Variants in IGSF10 observed in about 807,000 individuals in gnomAD.
IGSF10 encodes the protein immunoglobulin superfamily member 10.
A neutral mutation model predicts 128.2 loss-of-function variants in IGSF10; 126 were observed. The observed-to-expected ratio is 0.98, with a 90% CI of 0.85 to 1.14. IGSF10 has a LOEUF of 1.14. Among genes scored for constraint, IGSF10 ranks in the 50% most tolerant of loss-of-function variants. The pLI is 0.00. For synonymous variants in IGSF10, 1,185 were observed against 1,146.2 expected, an observed-to-expected ratio of 1.03 and a Z score of -0.68; for missense variants, 3,295 against 3,149.8, an observed-to-expected ratio of 1.05 and a Z score of -1.10.
At chr3:151,577,554 T>G in the IGSF10 span, among the ~76,000 whole-genome samples, 1 of 152,314 alleles carries the variant, frequency 6.6e-6, no homozygotes, top group South Asian at 2.1e-4. Flanking sequence ...TTCTAATGAT[T>G]AAAGTTTTAA....
In IGSF10 at chr3:151,443,794, C is replaced by T. The variant is rs1270442499; in HGVS notation, c.5153G>A (p.Arg1718His). 4 of 1,614,068 alleles carry T rather than the reference C, an allele frequency of 2.5e-6. No individual in the cohort carries two copies. Among genetic ancestry groups the T allele is most frequent in the Non-Finnish European group, 3.4e-6 (4 of 1,179,998 alleles). The change falls in exon 7 of 8, where the codon CGC (arginine) becomes CAC (histidine). Residue 1718 changes from arginine (R) to histidine (H), a missense_variant. Coordinates refer to ENST00000282466, the MANE Select transcript of IGSF10 (RefSeq NM_178822.5). ...GGATGCGGAACACAAGTACTGTCCG[C>T]GGTCCTGAATTTCCACCCTCTGGAT... ...LSIQRVEIQDRGQYLCSASNL... is the reference protein window; with the variant it reads ...LSIQRVEIQDHGQYLCSASNL...
the IGSF10 span, among the ~76,000 whole-genome samples, chr3:151,532,699 C>G: frequency 4.6e-5 from 7 of 152,278 alleles, no homozygotes; most frequent in Admixed American, 6.5e-5. Context: ...CTATTTATGA[C>G]AAACCAACAG....
chr3:151,438,799 GATAT>G lies in IGSF10; in HGVS notation c.5964-206_5964-203del, dbSNP rs556812838. Among the ~76,000 whole-genome samples the G allele has an allele frequency of 5.5e-5, 8 of 144,998 alleles. No individual in the cohort carries two copies. In the South Asian group the frequency reaches 1.3e-3, roughly 24 times the overall value. ...TGTGTATATATATACACATATTTGA[GATAT>G]ATATATATATACATTTTGAGATATA... On this transcript the variant is annotated intron_variant, in intron 7 of 7. Transcript: ENST00000282466.
chr3:151,506,628 G>A, the IGSF10 span, among the ~76,000 whole-genome samples: 1 of 152,076 alleles, frequency 6.6e-6, no homozygotes, highest in Admixed American at 6.5e-5. Context: ...TTTTCCCTTA[G>A]TTTGATCAAA....
At chr3:151,566,816 A>G in the IGSF10 span, among the ~76,000 whole-genome samples, 4 of 152,320 alleles carry the variant, frequency 2.6e-5, no homozygotes, top group Admixed American at 1.3e-4. Flanking sequence ...AATTTCTTCA[A>G]TGTCAAGAAG....
chr3:151,512,811 T>C, the IGSF10 span, among the ~76,000 whole-genome samples: 2 of 152,096 alleles, frequency 1.3e-5, no homozygotes, highest in Non-Finnish European at 2.9e-5. Flanking sequence ...AAATACAAAC[T>C]ACCATCAGAG....
rs1359132072 is a variant in IGSF10 at position 151,438,463 on chromosome 3, A to C, written c.6098T>G (p.Leu2033Arg). ...GTCAATTTTGGCAGGTTTCAGTCTT[A>C]GGCTAACATGCATCAGTATCAGATC... is the stretch of plus-strand genomic sequence containing the variant. ...GDDLILMHVS[L>R]RLKPAKIDHK... The change falls in exon 8 of 8, where the codon CTA (leucine) becomes CGA (arginine). Residue 2033 changes from leucine to arginine, a missense_variant. Leu to Arg is a moderately radical substitution (Grantham distance 102, BLOSUM62 -2). Coordinates refer to ENST00000282466, the MANE Select transcript of IGSF10 (RefSeq NM_178822.5). 7 of 1,614,140 alleles carry C rather than the reference A, an allele frequency of 4.3e-6. No homozygotes were observed. Among genetic ancestry groups the C allele is most frequent in the Non-Finnish European group, 5.9e-6 (7 of 1,180,026 alleles).
At chr3:151,577,422 C>A in the IGSF10 span, among the ~76,000 whole-genome samples, 1 of 152,112 alleles carries the variant, frequency 6.6e-6, no homozygotes, top group African/African-American at 2.4e-5. Flanking sequence ...AAGACTAAAT[C>A]TTCTCCATTT....
At chr3:151,495,286 C>A in the IGSF10 span, among the ~76,000 whole-genome samples, 3 of 152,118 alleles carry the variant, frequency 2.0e-5, no homozygotes, top group African/African-American at 7.2e-5. Flanking sequence ...CATCAAGGTA[C>A]TGAATTCTAA....
upstream of IGSF10, among the ~76,000 whole-genome samples, chr3:151,464,370 C>T (rs1412559192): frequency 6.6e-6 from 1 of 152,122 alleles, no homozygotes; most frequent in African/African-American, 2.4e-5. Context: ...CCTTTTATAT[C>T]ACCCCTGAGA....
chr3:151,438,435 G>T lies in IGSF10; in HGVS notation c.6126C>A (p.His2042Gln). 1 of 1,614,094 alleles carries T rather than the reference G, an allele frequency of 6.2e-7. No individual in the cohort carries two copies. Among genetic ancestry groups the T allele is most frequent in the Middle Eastern group, 1.6e-4 (1 of 6,062 alleles). Reference protein sequence around the residue: ...SLRLKPAKIDHKQYFRKQVLH... With the variant: ...SLRLKPAKIDQKQYFRKQVLH... ...GCACTTGCTTTCTAAAATACTGCTT[G>T]TGGTCAATTTTGGCAGGTTTCAGTC... is the stretch of plus-strand genomic sequence containing the variant. Residue 2042 changes from histidine (H) to glutamine (Q), a missense_variant, in exon 8 of 8, where the codon CAC (histidine) becomes CAA (glutamine). His to Gln is a conservative substitution (Grantham distance 24). Transcript: ENST00000282466.
chr3:151,448,706 A>C lies in IGSF10; in HGVS notation c.1275T>G (p.Asp425Glu). Residue 425 changes from aspartate to glutamate, a missense_variant, in exon 6 of 8, where the codon GAT becomes GAG. Asp to Glu is a conservative substitution (Grantham distance 45). Coordinates refer to ENST00000282466, the MANE Select transcript of IGSF10 (RefSeq NM_178822.5). ...FTNIEADLRA[D>E]PSWLMQDQIS... ...TTTGGTCTTGCATTAACCAAGAGGG[A>C]TCTGCTCTGAGATCTGCCTCTATGT... 6.2e-7 allele frequency: 1 copy of C among 1,614,112 alleles called. No homozygotes were observed. The highest frequency in any genetic ancestry group is 8.5e-7 in the Non-Finnish European group (1 of 1,179,962).
At chr3:151,471,934 C>T in the IGSF10 span, among the ~76,000 whole-genome samples, 2 of 152,142 alleles carry the variant, frequency 1.3e-5, no homozygotes, top group African/African-American at 4.8e-5. Context: ...TTTGGAAAAA[C>T]AAAATTGGTA....
the IGSF10 span, among the ~76,000 whole-genome samples, chr3:151,572,895 G>A: frequency 2.6e-5 from 4 of 152,284 alleles, no homozygotes; most frequent in South Asian, 8.3e-4. Context: ...CTTTAAATGT[G>A]TCCCAGAGAT....
chr3:151,512,985 CA>C, the IGSF10 span, among the ~76,000 whole-genome samples: 1 of 151,896 alleles, frequency 6.6e-6, no homozygotes, highest in African/African-American at 2.4e-5. Flanking sequence ...GCTTACCAAC[CA>C]AAAAAAGTCC....
At chr3:151,575,547 T>A in the IGSF10 span, among the ~76,000 whole-genome samples, 4 of 152,172 alleles carry the variant, frequency 2.6e-5, no homozygotes, top group Non-Finnish European at 5.9e-5. Context: ...CAGGATATAA[T>A]CTCCTGGTGT....
At chr3:151,476,015 C>T in the IGSF10 span, 1 of 152,214 alleles carries the variant, frequency 6.6e-6, no homozygotes, top group Non-Finnish European at 1.5e-5. Context: ...CAATTATAGT[C>T]ATCTGGTGGA....
the IGSF10 span, among the ~76,000 whole-genome samples, chr3:151,612,671 C>T: frequency 2.6e-5 from 4 of 151,900 alleles, no homozygotes; most frequent in Admixed American, 6.6e-5. Flanking sequence ...AAACAATTAG[C>T]GATATGGGCA....
the IGSF10 span, among the ~76,000 whole-genome samples, chr3:151,607,700 A>G: frequency 6.6e-6 from 1 of 151,624 alleles, no homozygotes. Flanking sequence ...TCACGAGGTC[A>G]GGAGATAGAG....
Sources: allele counts gnomAD v4.1 joint callset (sites outside exome capture counted in the v4.1 genomes callset), GRCh38; gene constraint gnomAD v4.1.1; transcripts MANE v1.5; gene names NCBI Gene and HGNC (gene_info 2026-07-23, HGNC 2026-07-21).